The following BRWD1 variants were observed in gnomAD, a reference collection of about 807,000 sequenced individuals.
BRWD1 encodes bromodomain and WD repeat-containing protein 1.
BRWD1 carries 82 observed loss-of-function variants against 251.2 expected under a neutral mutation model. The observed-to-expected ratio is 0.33, with a 90% CI of 0.27 to 0.39. The LOEUF (loss-of-function observed/expected upper bound fraction) is 0.39. BRWD1 is among the 10% of genes least tolerant of loss of function. The pLI is 1.00. For synonymous variants in BRWD1, 918 were observed against 902.8 expected (o/e 1.02, Z -0.30); for missense variants, 2,233 against 2,711.6 (o/e 0.82, Z 3.92).
In BRWD1 at chr21:39,210,942, TCA is replaced by T. The variant is rs761709247; in HGVS notation, c.3901-15_3901-14del. ...TCCCATCATGGACCTAAAAATACATTCACAGTCTTAAGAAAAATCACACTATT... is the reference window on the plus strand; with the variant it reads ...TCCCATCATGGACCTAAAAATACATTCAGTCTTAAGAAAAATCACACTATT... On this transcript the variant is annotated splice_polypyrimidine_tract_variant and intron_variant, in intron 34 of 40. Transcript: ENST00000342449. The T allele has an allele frequency of 1.3e-5, 21 of 1,606,902 alleles. No individual in the cohort carries two copies. In the African/African-American group the frequency reaches 1.7e-4, roughly 13 times the overall value.
chr21:39,262,747 A>C (rs571727903), intron 17 of BRWD1, among the ~76,000 whole-genome samples: 5 of 152,096 alleles, frequency 3.3e-5, no homozygotes, highest in Admixed American at 2.0e-4. Flanking sequence ...AAACCCTCTT[A>C]AAGGACAAAA....
In BRWD1 at chr21:39,278,785, G is replaced by T; in HGVS notation, c.961C>A (p.Pro321Thr). 6.3e-7 allele frequency: 1 copy of T among 1,595,554 alleles called. No individual in the cohort carries two copies. The highest frequency in any genetic ancestry group is 1.2e-5 in the South Asian group (1 of 86,676). The change falls in exon 10 of 41, where the codon CCT becomes ACT. Residue 321 changes from proline to threonine, a missense_variant. Physicochemically the swap from Pro to Thr is conservative, Grantham distance 38. Around this residue, in one of 12 missense-constraint regions of BRWD1, gnomAD observed 315 missense variants for 421.8 expected, o/e 0.75. Coordinates refer to ENST00000342449, the MANE Select transcript of BRWD1 (RefSeq NM_033656.4). ...CAAAGCATTTGAACGCCTGGCCTAG[G>T]CTTTTCAGTGAACTTCAGGGGACGT... The part of the protein sequence containing the change: ...SPRPLKFTEK[P>T]RPGVQMLCSS...
At chr21:39,245,333 A>G (rs979920592) in intron 21 of BRWD1, among the ~76,000 whole-genome samples, 1 of 152,200 alleles carries the variant, frequency 6.6e-6, no homozygotes, top group African/African-American at 2.4e-5. Context: ...ACATTGCATT[A>G]CTGATTAAAT....
chr21:39,196,279 A>C lies in BRWD1; in HGVS notation c.6790T>G (p.Phe2264Val), dbSNP rs756840697. Reference sequence around the variant, plus strand: ...CAAGGTCATAAGGTGCAACCATTGAAATCTAACACATTTTCTAAACTTCTG... The same window carrying C: ...CAAGGTCATAAGGTGCAACCATTGACATCTAACACATTTTCTAAACTTCTG... Reference protein sequence around the residue: ...DDRSLENVLDFNGCTL With the variant: ...DDRSLENVLDVNGCTL The change falls in exon 41 of 41, where the codon TTC (phenylalanine) becomes GTC (valine). Residue 2264 changes from phenylalanine (F) to valine (V), a missense_variant. By Grantham distance (50) the Phe-to-Val change is conservative. Coordinates refer to ENST00000342449, the MANE Select transcript of BRWD1 (RefSeq NM_033656.4). 6.2e-7 allele frequency: 1 copy of C among 1,602,800 alleles called. No individual in the cohort carries two copies. The highest frequency in any genetic ancestry group is 1.7e-5 in the Admixed American group (1 of 59,010).
At chr21:39,200,793 C>A (rs1007906433) in intron 38 of BRWD1, among the ~76,000 whole-genome samples, 6 of 152,058 alleles carry the variant, frequency 3.9e-5, no homozygotes, top group Admixed American at 3.9e-4. Flanking sequence ...CAAAACTAGC[C>A]TGGCCAAATA....
At chr21:39,212,521 C>A in intron 34 of BRWD1, 145 bp downstream of exon 34, 1 of 644,142 alleles carries the variant, frequency 1.6e-6, no homozygotes, top group Non-Finnish European at 2.7e-6. Context: ...CCCACTAAAT[C>A]TTTCCAGTAA....
intron 25 of BRWD1, among the ~76,000 whole-genome samples, chr21:39,231,077 G>GCAGAGCCATTAAGT (rs1395030088): frequency 2.6e-5 from 4 of 152,088 alleles, no homozygotes; most frequent in African/African-American, 4.8e-5. Context: ...ACTTATACAA[G>GCAGAGCCATTAAGT]CAGAGCCATT....
intron 8 of BRWD1, among the ~76,000 whole-genome samples, chr21:39,289,612 T>G (rs2035744817): frequency 6.6e-6 from 1 of 152,250 alleles, no homozygotes; most frequent in Admixed American, 6.5e-5. Context: ...ATGCATTTAA[T>G]ATACTTTCAT....
chr21:39,291,860 C>T (rs747541177), intron 8 of BRWD1, among the ~76,000 whole-genome samples: 2 of 152,216 alleles, frequency 1.3e-5, no homozygotes, highest in Non-Finnish European at 2.9e-5. Context: ...CCTTAAGACA[C>T]GGCAAGGCAT....
At chr21:39,297,959 A>G (rs1462858232) in intron 5 of BRWD1, 1 of 985,294 alleles carries the variant, frequency 1.0e-6, no homozygotes, top group Non-Finnish European at 1.2e-6. Flanking sequence ...ATTAGTAAAA[A>G]AAGAACCATG....
At chr21:39,235,593 A>G (rs969547035) in intron 23 of BRWD1, 1 of 220,278 alleles carries the variant, frequency 4.5e-6, no homozygotes, top group East Asian at 1.2e-4. Flanking sequence ...TAAATATATG[A>G]TATCGGCTCC....
intron 21 of BRWD1, among the ~76,000 whole-genome samples, chr21:39,246,359 TAAC>T (rs1180287802): frequency 6.6e-6 from 1 of 152,122 alleles, no homozygotes; most frequent in African/African-American, 2.4e-5. Flanking sequence ...AATGGAATAA[TAAC>T]AATCATTGGT....
In BRWD1 at chr21:39,190,951, A is replaced by C; in HGVS notation, c.*5308T>G. The stretch of plus-strand genomic sequence containing the variant: ...AACTACAACTAATCTAGCTCATCAC[A>C]ATACAGTTTTCTCTCACCCCTAGAA... On this transcript the variant is annotated 3_prime_UTR_variant, in exon 41 of 41. Coordinates refer to ENST00000342449, the MANE Select transcript of BRWD1 (RefSeq NM_033656.4). 1 of 985,300 alleles carries C rather than the reference A, an allele frequency of 1.0e-6. No individual in the cohort carries two copies. The highest frequency in any genetic ancestry group is 1.2e-6 in the Non-Finnish European group (1 of 829,852). 61.0% of individuals were successfully genotyped at this position (985,300 alleles called of 1,614,324 possible). A position where few individuals can be genotyped will look rare whatever the true frequency, so the allele number is the denominator to read the frequency against.
chr21:39,225,038 G>T, intron 28 of BRWD1, 48 bp downstream of exon 28: 1 of 1,290,834 alleles, frequency 7.7e-7, no homozygotes. Context: ...ACAGCAACCT[G>T]CCACACTGAA....
At chr21:39,312,987 G>GGGGGCCGGGGGCGGGCGT in intron 3 of BRWD1, 85 bp downstream of exon 3, 1 of 1,032,008 alleles carries the variant, frequency 9.7e-7, no homozygotes, top group Non-Finnish European at 1.2e-6. Flanking sequence ...GCGGCGGGCG[G>GGGGGCCGGGGGCGGGCGT]CGGGCGGGGG....
upstream of BRWD1, chr21:39,317,020 AATATTCT>A (rs1449191850): frequency 2.0e-5 from 3 of 152,220 alleles, no homozygotes; most frequent in African/African-American, 7.2e-5. Context: ...ATTCATGACA[AATATTCT>A]TTCTAAATTT....
chr21:39,307,641 TAGA>T (rs1343186018), intron 4 of BRWD1, among the ~76,000 whole-genome samples: 8 of 152,346 alleles, frequency 5.3e-5, no homozygotes, highest in African/African-American at 1.9e-4. Context: ...CAGGTTATGA[TAGA>T]AGATTATAGG....
At chr21:39,251,420 T>C (rs1173385505) in intron 19 of BRWD1, among the ~76,000 whole-genome samples, 1 of 152,160 alleles carries the variant, frequency 6.6e-6, no homozygotes, top group Non-Finnish European at 1.5e-5. Context: ...TTTTCTTCTC[T>C]GGAAAAGACT....
chr21:39,304,549 A>C (rs190355368), intron 4 of BRWD1, among the ~76,000 whole-genome samples: 232 of 151,952 alleles, frequency 1.5e-3, no homozygotes, highest in African/African-American at 5.5e-3. Flanking sequence ...AGGAGGTCAA[A>C]GCTGCAGTGT....
Sources: gnomAD v4.1 joint callset for allele counts (sites outside exome capture counted in the v4.1 genomes callset) on GRCh38, gnomAD v4.1.1 for gene constraint, gnomAD v4.1.1 regional missense constraint, MANE v1.5 for transcripts, NCBI Gene and HGNC (gene_info 2026-07-23, HGNC 2026-07-21) for gene names.